Variants in UBL3 observed in about 807,000 individuals in gnomAD.
The protein encoded by UBL3 is ubiquitin like 3, also known as ubiquitin-like protein 3.
UBL3 carries 6 observed loss-of-function variants against 18.4 expected under a neutral mutation model. The observed-to-expected ratio is 0.33, with a 90% confidence interval of 0.18 to 0.64. UBL3 has a LOEUF of 0.64. Ranked by LOEUF, UBL3 falls within the 30% of genes least tolerant of loss-of-function variation. The pLI, the probability that UBL3 is intolerant of heterozygous loss-of-function variation, is 0.76. For synonymous variants in UBL3, 49 were observed against 46.6 expected (o/e 1.05, Z -0.21); for missense variants, 109 against 142.9 (o/e 0.76, Z 1.21).
chr13:29,849,446 G>GTCC, intron 1 of UBL3, 66 bp downstream of exon 1: 1 of 1,609,086 alleles, frequency 6.2e-7, no homozygotes, highest in Non-Finnish European at 8.5e-7. Flanking sequence ...CACGCCTGCC[G>GTCC]TCTTTCCGAT....
intron 2 of UBL3, among the ~76,000 whole-genome samples, chr13:29,776,537 A>C (rs1876996706): frequency 6.6e-6 from 1 of 152,110 alleles, no homozygotes; most frequent in African/African-American, 2.4e-5. Flanking sequence ...TGCTGGGATT[A>C]CAGGTATGAG....
chr13:29,814,139 A>G (rs1878195772), intron 1 of UBL3, among the ~76,000 whole-genome samples: 1 of 152,102 alleles, frequency 6.6e-6, no homozygotes, highest in South Asian at 2.1e-4. Context: ...TTTTTTTTAA[A>G]GAGTATCTAA....
rs1566001103 is a variant in UBL3, at chr13:29,835,142, AT to A, written c.27+14369del. ...TATATATAAATATATATATATATAT[AT>A]ATATATATATATATATATATATATA... On this transcript the variant is annotated intron_variant, in intron 1 of 4. Transcript: ENST00000380680. 6.2e-3 allele frequency among the ~76,000 whole-genome samples: 76 copies of A among 12,242 alleles called. 1 individual carries two copies. The highest frequency in any genetic ancestry group is 8.7e-3 in the Non-Finnish European group (59 of 6,782). The allele number at this position is 12,242 out of a possible 152,430, so 8.0% of individuals were successfully genotyped here.
chr13:29,815,081 T>C (rs1215727766), intron 1 of UBL3, among the ~76,000 whole-genome samples: 2 of 152,170 alleles, frequency 1.3e-5, no homozygotes, highest in Admixed American at 1.3e-4. Context: ...CACCAACTAT[T>C]AGTTCCCATC....
chr13:29,803,612 G>GAA (rs59408343), intron 1 of UBL3, among the ~76,000 whole-genome samples: 51 of 143,886 alleles, frequency 3.5e-4, no homozygotes, highest in East Asian at 6.0e-4. Context: ...ATGGAAAACA[G>GAA]AAAAAAAAAA....
chr13:29,782,538 C>T (rs757532281), intron 1 of UBL3, among the ~76,000 whole-genome samples: 3 of 152,112 alleles, frequency 2.0e-5, no homozygotes, highest in African/African-American at 7.2e-5. Context: ...GGGTATGAAT[C>T]TTCGGTTTGA....
At chr13:29,831,502 C>G (rs1441013772) in intron 1 of UBL3, among the ~76,000 whole-genome samples, 2 of 151,038 alleles carry the variant, frequency 1.3e-5, no homozygotes, top group Non-Finnish European at 2.9e-5. Context: ...GCAGGAGAAT[C>G]GCTTGAACCA....
At chr13:29,846,025 T>C (rs942187478) in intron 1 of UBL3, among the ~76,000 whole-genome samples, 1 of 152,122 alleles carries the variant, frequency 6.6e-6, no homozygotes, top group African/African-American at 2.4e-5. Flanking sequence ...AAAATTACCA[T>C]TGCTTGCCCA....
At chr13:29,848,924 GTACCAA>G (rs1440254247) in intron 1 of UBL3, among the ~76,000 whole-genome samples, 4 of 152,296 alleles carry the variant, frequency 2.6e-5, no homozygotes, top group African/African-American at 9.6e-5. Context: ...TTCATTGTAA[GTACCAA>G]TACAGGGTCA....
chr13:29,810,178 GGTATCAA>G (rs1484795046), intron 1 of UBL3, among the ~76,000 whole-genome samples: 4 of 152,022 alleles, frequency 2.6e-5, no homozygotes, highest in African/African-American at 9.7e-5. Flanking sequence ...GAATGATGAT[GGTATCAA>G]TAGGATCAAT....
intron 1 of UBL3, among the ~76,000 whole-genome samples, chr13:29,782,340 C>G (rs1429733853): frequency 6.6e-6 from 1 of 152,132 alleles, no homozygotes; most frequent in Non-Finnish European, 1.5e-5. Context: ...CCACAAAATT[C>G]TCAGCATTTC....
At chr13:29,797,127 A>C (rs976041804) in intron 1 of UBL3, among the ~76,000 whole-genome samples, 1 of 152,202 alleles carries the variant, frequency 6.6e-6, no homozygotes, top group Non-Finnish European at 1.5e-5. Context: ...CTAAAGAAAA[A>C]AATTCTTAAT....
intron 1 of UBL3, among the ~76,000 whole-genome samples, chr13:29,800,187 G>C (rs1174939403): frequency 6.6e-6 from 1 of 152,146 alleles, no homozygotes; most frequent in Non-Finnish European, 1.5e-5. Context: ...ATAAATCACT[G>C]AATTTCACAT....
At chr13:29,774,687 T>C (rs1206658239) in intron 2 of UBL3, among the ~76,000 whole-genome samples, 1 of 152,172 alleles carries the variant, frequency 6.6e-6, no homozygotes, top group Non-Finnish European at 1.5e-5. Context: ...CAGTATTTCT[T>C]AAATTTAGGC....
At chr13:29,824,885 A>C (rs551874262) in intron 1 of UBL3, among the ~76,000 whole-genome samples, 1 of 152,314 alleles carries the variant, frequency 6.6e-6, no homozygotes, top group East Asian at 1.9e-4. Context: ...ATTTTTGTAT[A>C]AGGTGTAAGG....
chr13:29,820,660 TC>T lies in UBL3; in HGVS notation c.27+28851del, dbSNP rs150655021. On this transcript the variant is annotated intron_variant, in intron 1 of 4. Transcript: ENST00000380680. ...TGAGTTATCATCCACTACATTTCTG[TC>T]CTTTCATTCTAATGAATTAACTATA... 2.6e-5 allele frequency among the ~76,000 whole-genome samples: 4 copies of T among 152,304 alleles called. No individual in the cohort carries two copies. In the East Asian group the frequency reaches 7.7e-4, roughly 29 times the overall value.
intron 1 of UBL3, among the ~76,000 whole-genome samples, chr13:29,815,405 A>G (rs1878243589): frequency 6.6e-6 from 1 of 152,196 alleles, no homozygotes; most frequent in Non-Finnish European, 1.5e-5. Flanking sequence ...ATGACCATGA[A>G]TTACCCACCT....
At chr13:29,815,504 G>A (rs1484911736) in intron 1 of UBL3, among the ~76,000 whole-genome samples, 3 of 152,256 alleles carry the variant, frequency 2.0e-5, no homozygotes, top group East Asian at 1.9e-4. Context: ...AGGTCTAGAA[G>A]CCAAGGAATA....
At chr13:29,810,052 A>G (rs1421121861) in intron 1 of UBL3, among the ~76,000 whole-genome samples, 3 of 152,206 alleles carry the variant, frequency 2.0e-5, no homozygotes, top group East Asian at 3.9e-4. Context: ...TATGAATATG[A>G]AAGGCCCACT....
Sources: gnomAD v4.1 joint callset for allele counts (sites outside exome capture counted in the v4.1 genomes callset) on GRCh38, gnomAD v4.1.1 for gene constraint, MANE v1.5 for transcripts, NCBI Gene and HGNC (gene_info 2026-07-23, HGNC 2026-07-21) for gene names.